GPC5: variants seen among roughly 807,000 people sequenced by gnomAD.
GPC5 encodes the protein glypican 5.
A neutral mutation model predicts 53.9 loss-of-function variants in GPC5; 47 were observed. The ratio of observed to expected loss-of-function variants is 0.87; its 90% confidence interval spans 0.69 to 1.11. GPC5 has a LOEUF of 1.11. Among genes scored for constraint, GPC5 ranks in the 50% most tolerant of loss-of-function variants. The pLI is 0.00. For synonymous variants in GPC5, 286 were observed against 263.3 expected (o/e 1.09, Z -0.84); for missense variants, 748 against 713.1 (o/e 1.05, Z -0.56).
chr13:92,475,564 C>T (rs911936526), intron 7 of GPC5, among the ~76,000 whole-genome samples: 1 of 151,882 alleles, frequency 6.6e-6, no homozygotes, highest in Non-Finnish European at 1.5e-5. Context: ...TATCCTGAGA[C>T]TTTGCTGAAG....
chr13:91,431,331 T>A (rs193119214), intron 1 of GPC5, among the ~76,000 whole-genome samples: 55 of 152,330 alleles, frequency 3.6e-4, no homozygotes, highest in South Asian at 1.4e-3. Context: ...TTGACTGGAT[T>A]TTCCACTCTT....
chr13:91,510,680 A>T (rs1031731822), intron 2 of GPC5, among the ~76,000 whole-genome samples: 1 of 152,166 alleles, frequency 6.6e-6, no homozygotes, highest in Non-Finnish European at 1.5e-5. Context: ...GTGTTAATTT[A>T]TATCCCACCA....
chr13:91,470,735 ATTTTGTGTCTT>A (rs1248336293), intron 2 of GPC5, among the ~76,000 whole-genome samples: 1 of 152,108 alleles, frequency 6.6e-6, no homozygotes, highest in Non-Finnish European at 1.5e-5. Flanking sequence ...AATATAACCA[ATTTTGTGTCTT>A]TAAGATTAGC....
rs183334445 is a variant in GPC5, at chr13:91,611,960, G to A, written c.326-81227G>A. Among the ~76,000 whole-genome samples the A allele has an allele frequency of 7.8e-4, 118 of 152,172 alleles. 1 individual carries two copies. The South Asian group carries it at 0.022, about 29-fold the overall frequency. On this transcript the variant is annotated intron_variant, in intron 2 of 7. Transcript: ENST00000377067. ...TGGGCCCCACCTGACCTCTTCTTCC[G>A]CGTTAATGGTTTCTGAGCTCTATCC...
intron 5 of GPC5, among the ~76,000 whole-genome samples, chr13:91,843,818 T>C (rs1450065659): frequency 6.6e-6 from 1 of 152,076 alleles, no homozygotes; most frequent in East Asian, 1.9e-4. Context: ...GCTGCCAAAG[T>C]AAAATGTAGC....
At chr13:91,820,685 C>T (rs927997178) in intron 5 of GPC5, among the ~76,000 whole-genome samples, 3 of 152,130 alleles carry the variant, frequency 2.0e-5, no homozygotes, top group African/African-American at 4.8e-5. Context: ...CTTCCAGGGC[C>T]GGGCGCGGTG....
chr13:92,523,435 CA>C (rs1881146510), intron 7 of GPC5, among the ~76,000 whole-genome samples: 1 of 151,916 alleles, frequency 6.6e-6, no homozygotes, highest in African/African-American at 2.4e-5. Context: ...GTAACTTGTA[CA>C]AAGTAATGAT....
intron 7 of GPC5, among the ~76,000 whole-genome samples, chr13:92,806,383 T>C (rs984132080): frequency 4.6e-5 from 7 of 152,082 alleles, no homozygotes; most frequent in Non-Finnish European, 8.8e-5. Context: ...ACCTCAGCAA[T>C]AAGACAGTTT....
chr13:91,953,719 G>A (rs751263955), intron 6 of GPC5, among the ~76,000 whole-genome samples: 2 of 152,108 alleles, frequency 1.3e-5, no homozygotes, highest in East Asian at 1.9e-4. Context: ...ACTAAATCTG[G>A]AAATGTTCCA....
At chr13:91,832,920 C>T (rs560786438) in intron 5 of GPC5, among the ~76,000 whole-genome samples, 9 of 151,806 alleles carry the variant, frequency 5.9e-5, no homozygotes, top group Admixed American at 1.3e-4. Context: ...GATAGAGACA[C>T]GAAAAACCCT....
intron 7 of GPC5, among the ~76,000 whole-genome samples, chr13:92,472,285 T>C (rs1227954316): frequency 6.6e-6 from 1 of 152,150 alleles, no homozygotes; most frequent in Admixed American, 6.6e-5. Flanking sequence ...GAATATTTAT[T>C]GGAAGTTTAA....
chr13:92,361,660 G>A lies in GPC5; in HGVS notation c.1561+216671G>A, dbSNP rs534770825. On this transcript the variant is annotated intron_variant, in intron 7 of 7. Transcript: ENST00000377067. ...AGAGCACTTGAGTACTGAGATGCAG[G>A]CAGCTAAAGAGGAGGATAAGATTCT... 3.4e-4 allele frequency among the ~76,000 whole-genome samples: 52 copies of A among 151,760 alleles called. 2 individuals carry two copies. The highest frequency in any genetic ancestry group is 1.3e-3 in the African/African-American group (52 of 41,064).
At chr13:92,811,998 T>A (rs902083964) in intron 7 of GPC5, among the ~76,000 whole-genome samples, 1 of 151,992 alleles carries the variant, frequency 6.6e-6, no homozygotes, top group African/African-American at 2.4e-5. Context: ...TTATTTTAGC[T>A]TTGTTGTATG....
intron 7 of GPC5, among the ~76,000 whole-genome samples, chr13:92,220,226 C>G (rs1414442710): frequency 6.6e-6 from 1 of 152,024 alleles, no homozygotes; most frequent in African/African-American, 2.4e-5. Flanking sequence ...CTAGTGTAGC[C>G]ACTCTTCTGG....
chr13:91,759,974 T>G (rs182673864), intron 5 of GPC5, among the ~76,000 whole-genome samples: 2 of 152,244 alleles, frequency 1.3e-5, no homozygotes, highest in African/African-American at 4.8e-5. Context: ...ATTGTTAATG[T>G]GCATAAATTT....
chr13:92,344,437 ACTGCAGAATTAGAAGGCCACC>A (rs2043393215), intron 7 of GPC5, among the ~76,000 whole-genome samples: 1 of 152,116 alleles, frequency 6.6e-6, no homozygotes, highest in Admixed American at 6.6e-5. Flanking sequence ...ATCATCTATC[ACTGCAGAATTAGAAGGCCACC>A]CTGCAGAATT....
chr13:92,372,187 C>A (rs2043656317), intron 7 of GPC5, among the ~76,000 whole-genome samples: 2 of 152,120 alleles, frequency 1.3e-5, no homozygotes, highest in Non-Finnish European at 2.9e-5. Context: ...GTACTTCTGA[C>A]CCACCAAATC....
chr13:91,941,259 G>A (rs1033237634), intron 6 of GPC5, among the ~76,000 whole-genome samples: 10 of 152,072 alleles, frequency 6.6e-5, no homozygotes, highest in African/African-American at 2.4e-4. Flanking sequence ...TAGCCTTATA[G>A]CATAGTTTGA....
intron 2 of GPC5, among the ~76,000 whole-genome samples, chr13:91,609,578 A>G (rs758417637): frequency 2.6e-4 from 40 of 152,178 alleles, no homozygotes; most frequent in Admixed American, 5.2e-4. Context: ...ATGAAACAGG[A>G]TATTCACTCA....
Sources: gnomAD v4.1 joint callset for allele counts (sites outside exome capture counted in the v4.1 genomes callset) on GRCh38, gnomAD v4.1.1 for gene constraint, MANE v1.5 for transcripts, NCBI Gene and HGNC (gene_info 2026-07-23, HGNC 2026-07-21) for gene names.